ITPRID1: variants seen among roughly 807,000 people sequenced by gnomAD.
ITPRID1 encodes the protein protein ITPRID1.
A neutral mutation model predicts 95.4 loss-of-function variants in ITPRID1; 96 were observed. That is an observed-to-expected ratio of 1.01 (90% CI 0.85 to 1.19). ITPRID1 has a LOEUF of 1.19. Ranked by LOEUF, ITPRID1 falls within the 50% of genes most tolerant of loss-of-function variation. The pLI, the probability that ITPRID1 is intolerant of heterozygous loss-of-function variation, is 0.00. For synonymous variants in ITPRID1, 510 were observed against 453.6 expected, an observed-to-expected ratio of 1.12 and a Z score of -1.58; for missense variants, 1,339 against 1,252.9, an observed-to-expected ratio of 1.07 and a Z score of -1.04.
chr7:31,515,073 T>C (rs1228575789), intron 1 of ITPRID1, among the ~76,000 whole-genome samples: 2 of 151,932 alleles, frequency 1.3e-5, no homozygotes, highest in Non-Finnish European at 2.9e-5. Context: ...TATTGGATAA[T>C]ATATAGCTAA....
intron 10 of ITPRID1, among the ~76,000 whole-genome samples, chr7:31,594,001 A>G (rs1785972078): frequency 6.6e-6 from 1 of 152,214 alleles, no homozygotes; most frequent in African/African-American, 2.4e-5. Context: ...GAGTATATCC[A>G]TGGTTATGTA....
intron 1 of ITPRID1, among the ~76,000 whole-genome samples, chr7:31,527,317 T>C (rs929938940): frequency 1.3e-5 from 2 of 152,184 alleles, no homozygotes; most frequent in East Asian, 3.9e-4. Context: ...AGAAACATTA[T>C]GTCAGAGATT....
chr7:31,620,301 C>T (rs1030010583), intron 10 of ITPRID1, among the ~76,000 whole-genome samples: 4 of 152,102 alleles, frequency 2.6e-5, no homozygotes, highest in Non-Finnish European at 5.9e-5. Flanking sequence ...GGGCAGACTG[C>T]CTCCTCAAGT....
intron 6 of ITPRID1, among the ~76,000 whole-genome samples, chr7:31,571,491 G>A (rs894186897): frequency 5.3e-5 from 8 of 152,202 alleles, no homozygotes; most frequent in African/African-American, 1.9e-4. Context: ...GTATAGCTGA[G>A]CTATATGTAT....
At chr7:31,548,673 T>C (rs939774585) in intron 1 of ITPRID1, among the ~76,000 whole-genome samples, 3 of 152,072 alleles carry the variant, frequency 2.0e-5, no homozygotes, top group Non-Finnish European at 4.4e-5. Flanking sequence ...CCCAACAGCA[T>C]GATGTGATTG....
intron 10 of ITPRID1, among the ~76,000 whole-genome samples, chr7:31,634,238 A>G (rs1460672435): frequency 6.6e-6 from 1 of 152,202 alleles, no homozygotes; most frequent in African/African-American, 2.4e-5. Context: ...ATTCATCTCC[A>G]TGAAGACACT....
At position 31,569,757 on chromosome 7, in the gene ITPRID1, G is replaced by A. The variant is rs1034579177; in HGVS notation, c.257-1G>A. 1.9e-6 allele frequency: 3 copies of A among 1,579,028 alleles called. No homozygotes were observed. Among genetic ancestry groups the A allele is most frequent in the Admixed American group, 1.8e-5 (1 of 54,394 alleles). On this transcript the variant is annotated splice_acceptor_variant, in intron 5 of 14. Transcript: ENST00000615280. LOFTEE classifies it high-confidence loss of function. ...CCCCTCTACTTTTTTTGTTGTTGCA[G>A]TTTCTTTGTATGAACAAGGGATGGT...
intron 1 of ITPRID1, among the ~76,000 whole-genome samples, chr7:31,515,247 G>T (rs138133825): frequency 2.0e-5 from 3 of 151,208 alleles, no homozygotes; most frequent in African/African-American, 7.3e-5. Flanking sequence ...ACTTATAAAG[G>T]CAATGAGGGA....
intron 1 of ITPRID1, among the ~76,000 whole-genome samples, chr7:31,520,813 A>G (rs1783226312): frequency 6.6e-6 from 1 of 152,046 alleles, no homozygotes; most frequent in South Asian, 2.1e-4. Flanking sequence ...TTCCATATGT[A>G]ATCATTTATA....
At chr7:31,541,432 A>T (rs191941718) in intron 1 of ITPRID1, among the ~76,000 whole-genome samples, 40 of 152,348 alleles carry the variant, frequency 2.6e-4, no homozygotes, top group Admixed American at 7.8e-4. Flanking sequence ...AAAGAGGACC[A>T]AAACAAGACA....
intron 1 of ITPRID1, among the ~76,000 whole-genome samples, chr7:31,519,620 C>CCA (rs1554279824): frequency 1.1e-3 from 28 of 25,260 alleles, no homozygotes; most frequent in Non-Finnish European, 1.8e-3. Context: ...CTCTCTCTCT[C>CCA]TATATATATA....
chr7:31,599,740 C>T lies in ITPRID1; in HGVS notation c.1228+16549C>T, dbSNP rs933506974. 1.3e-4 allele frequency among the ~76,000 whole-genome samples: 19 copies of T among 150,880 alleles called. No individual in the cohort carries two copies. In the East Asian group the frequency reaches 1.4e-3, roughly 11 times the overall value. On this transcript the variant is annotated intron_variant, in intron 10 of 14. Transcript: ENST00000615280. ...TTTTTTTGATGGAGTCTCTCTCTGT[C>T]GCCCAGGCTGGAGTGCAGTGGCGCG...
chr7:31,515,743 T>C (rs1244987104), intron 1 of ITPRID1, among the ~76,000 whole-genome samples: 1 of 152,200 alleles, frequency 6.6e-6, no homozygotes, highest in Non-Finnish European at 1.5e-5. Flanking sequence ...CTTAATTTTA[T>C]ACACATTGTA....
intron 1 of ITPRID1, among the ~76,000 whole-genome samples, chr7:31,519,608 C>CCATATATATATATA (rs1783157295): frequency 1.8e-5 from 1 of 54,704 alleles, no homozygotes; most frequent in Non-Finnish European, 3.6e-5. Flanking sequence ...CTCTCTCTCT[C>CCATATATATATATA]TCTCTCTCTC....
At position 31,526,471 on chromosome 7, in the gene ITPRID1, G is replaced by A. The variant is rs183271363; in HGVS notation, c.-98+12351G>A. 1.6e-3 allele frequency among the ~76,000 whole-genome samples: 248 copies of A among 152,266 alleles called. 3 individuals carry two copies. Among genetic ancestry groups the A allele is most frequent in the African/African-American group, 5.8e-3 (243 of 41,548 alleles). Reference sequence around the variant, plus strand: ...CTCCGTTTCCTCATCTCTAAGATGGGTTAATAATAACTTCCACCTAAACTT... The same window carrying A: ...CTCCGTTTCCTCATCTCTAAGATGGATTAATAATAACTTCCACCTAAACTT... On this transcript the variant is annotated intron_variant, in intron 1 of 14. Coordinates refer to ENST00000615280, the MANE Select transcript of ITPRID1 (RefSeq NM_001257967.3).
At chr7:31,593,600 C>T (rs80227980) in intron 10 of ITPRID1, among the ~76,000 whole-genome samples, 2 of 152,150 alleles carry the variant, frequency 1.3e-5, no homozygotes, top group African/African-American at 4.8e-5. Context: ...GAAACTGACA[C>T]TCACCCACTG....
At chr7:31,524,916 C>G (rs752769000) in intron 1 of ITPRID1, among the ~76,000 whole-genome samples, 1 of 140,092 alleles carries the variant, frequency 7.1e-6, no homozygotes, top group Non-Finnish European at 1.5e-5. Flanking sequence ...AATATGAAAT[C>G]TTTATTGAGA....
At chr7:31,588,805 A>G (rs1034620871) in intron 10 of ITPRID1, among the ~76,000 whole-genome samples, 2 of 152,062 alleles carry the variant, frequency 1.3e-5, no homozygotes, top group African/African-American at 4.8e-5. Flanking sequence ...CTGTTGAACC[A>G]AACACACATG....
Position 31,642,819 on chromosome 7 carries a change from G to T in ITPRID1, c.1449G>T (p.Met483Ile), listed in dbSNP as rs752733534. The change falls in exon 12 of 15, where the codon ATG becomes ATT. Residue 483 changes from methionine (M) to isoleucine (I), a missense_variant. Physicochemically the swap from Met to Ile is conservative, Grantham distance 10. Transcript: ENST00000615280. ...DGPDSKSRAS[M>I]SFSSQEANAL... ...CAGATTCCAAAAGTAGGGCGAGCAT[G>T]TCTTTTTCAAGCCAAGAAGCGAATG... is the stretch of plus-strand genomic sequence containing the variant. 1.2e-6 allele frequency: 2 copies of T among 1,613,844 alleles called. No individual in the cohort carries two copies. The highest frequency in any genetic ancestry group is 1.7e-6 in the Non-Finnish European group (2 of 1,179,798).
Sources: gnomAD v4.1 joint callset for allele counts (sites outside exome capture counted in the v4.1 genomes callset) on GRCh38, gnomAD v4.1.1 for gene constraint, MANE v1.5 for transcripts, NCBI Gene and HGNC (gene_info 2026-07-23, HGNC 2026-07-21) for gene names.